The following WSCD1 variants were observed in gnomAD, a reference collection of about 807,000 sequenced individuals.
WSCD1 encodes the protein WSC domain sialate O sulfotransferase 1, also known as sialate:O-sulfotransferase 1.
Under a neutral mutation model 60.4 loss-of-function variants are expected in WSCD1, and 41 were observed. That is an observed-to-expected ratio of 0.68 (90% CI 0.53 to 0.88). WSCD1 has a LOEUF of 0.88. Among genes scored for constraint, WSCD1 ranks in the 40% least tolerant of loss-of-function variants. The probability of loss-of-function intolerance (pLI) is 0.00; values close to 1 mark genes in which losing one functional copy is unlikely to be tolerated. For missense variants in WSCD1, 784 were observed against 796.2 expected (o/e 0.98, Z 0.18); for synonymous variants, 361 against 332.5 (o/e 1.09, Z -0.93).
intron 7 of WSCD1, among the ~76,000 whole-genome samples, chr17:6,117,360 C>G (rs1442114423): frequency 6.6e-6 from 1 of 152,198 alleles, no homozygotes; most frequent in Non-Finnish European, 1.5e-5. Context: ...TGAGGCAAGG[C>G]TGGGCCCTGT....
At chr17:6,072,548 T>C (rs1908608493) in intron 1 of WSCD1, among the ~76,000 whole-genome samples, 1 of 152,206 alleles carries the variant, frequency 6.6e-6, no homozygotes, top group South Asian at 2.1e-4. Context: ...ACTCTTTCTC[T>C]GGAGGTACAA....
intron 8 of WSCD1, among the ~76,000 whole-genome samples, chr17:6,119,567 G>A (rs1042130681): frequency 3.9e-5 from 6 of 152,130 alleles, no homozygotes; most frequent in Admixed American, 3.9e-4. Flanking sequence ...GGCCTCTGCC[G>A]GCCTCTAGTC....
chr17:6,103,866 G>C (rs1567558270), intron 5 of WSCD1, among the ~76,000 whole-genome samples: 1 of 152,106 alleles, frequency 6.6e-6, no homozygotes, highest in Non-Finnish European at 1.5e-5. Flanking sequence ...TCAATCCCCA[G>C]ATCCACCATA....
At chr17:6,088,164 A>C (rs1909784622) in intron 3 of WSCD1, 60 bp downstream of exon 3, 1 of 1,422,154 alleles carries the variant, frequency 7.0e-7, no homozygotes, top group Non-Finnish European at 9.9e-7. Flanking sequence ...GGACAGTTCC[A>C]GAATGAGGAG....
intron 3 of WSCD1, among the ~76,000 whole-genome samples, chr17:6,089,700 C>T (rs1371342099): frequency 1.3e-5 from 2 of 152,194 alleles, no homozygotes. Flanking sequence ...AATTGGCAAA[C>T]AGTACAAACC....
intron 2 of WSCD1, among the ~76,000 whole-genome samples, chr17:6,087,151 G>A (rs986609091): frequency 1.3e-5 from 2 of 152,338 alleles, no homozygotes; most frequent in African/African-American, 2.4e-5. Flanking sequence ...ACTGGTGCGC[G>A]TGACATTTAC....
chr17:6,120,716 T>A lies in WSCD1; in HGVS notation c.*55T>A. ...GAGTGACGCAATCGCACCACGGGGC[T>A]GCGCTCCCCACTCTGATGCTCAGGC... On this transcript the variant is annotated 3_prime_UTR_variant, in exon 9 of 9. Transcript: ENST00000317744. 2.6e-6 allele frequency: 4 copies of A among 1,537,988 alleles called. No homozygotes were observed. The highest frequency in any genetic ancestry group is 3.5e-6 in the Non-Finnish European group (4 of 1,135,804).
At chr17:6,097,401 A>G (rs1392470504) in intron 5 of WSCD1, among the ~76,000 whole-genome samples, 1 of 152,232 alleles carries the variant, frequency 6.6e-6, no homozygotes, top group Non-Finnish European at 1.5e-5. Flanking sequence ...TCTCATGTCT[A>G]CTTCCAGAGA....
intron 2 of WSCD1, among the ~76,000 whole-genome samples, chr17:6,086,831 C>T (rs1909683669): frequency 6.6e-6 from 1 of 152,168 alleles, no homozygotes; most frequent in African/African-American, 2.4e-5. Context: ...CCCTTGCCCT[C>T]ACGGAGCATC....
intron 5 of WSCD1, among the ~76,000 whole-genome samples, chr17:6,098,964 C>T (rs764805234): frequency 6.6e-5 from 10 of 152,112 alleles, no homozygotes; most frequent in Non-Finnish European, 1.5e-4. Context: ...GCAGTGTTGG[C>T]AGGTGGCTGA....
At chr17:6,079,307 G>A (rs909252251) in intron 1 of WSCD1, among the ~76,000 whole-genome samples, 7 of 152,328 alleles carry the variant, frequency 4.6e-5, no homozygotes, top group Middle Eastern at 3.4e-3. Context: ...GCTTAGTCAC[G>A]CTTCTAGGGG....
chr17:6,102,156 G>C (rs139002992), intron 5 of WSCD1, among the ~76,000 whole-genome samples: 7 of 152,310 alleles, frequency 4.6e-5, no homozygotes, highest in African/African-American at 1.7e-4. Flanking sequence ...TTTCTTCTAA[G>C]TTTTTTTGCT....
intron 2 of WSCD1, among the ~76,000 whole-genome samples, chr17:6,085,446 C>T (rs1909569885): frequency 6.6e-6 from 1 of 152,208 alleles, no homozygotes; most frequent in East Asian, 1.9e-4. Context: ...ATTTTCACAA[C>T]TACCTCATGG....
intron 5 of WSCD1, among the ~76,000 whole-genome samples, chr17:6,107,887 A>G (rs1008873404): frequency 6.6e-6 from 1 of 152,200 alleles, no homozygotes; most frequent in African/African-American, 2.4e-5. Context: ...TTTCCATAGA[A>G]GAGTGGTGTA....
At position 6,080,878 on chromosome 17, in the gene WSCD1, G is replaced by A. The variant is rs748373554; in HGVS notation, c.220G>A (p.Asp74Asn). The A allele has an allele frequency of 8.7e-6, 14 of 1,603,554 alleles. No homozygotes were observed. Among genetic ancestry groups the A allele is most frequent in the Admixed American group, 8.4e-5 (5 of 59,488 alleles). The change falls in exon 2 of 9, where the codon GAC becomes AAC. Residue 74 changes from aspartate to asparagine, a missense_variant. By Grantham distance (23) the Asp-to-Asn change is conservative. Coordinates refer to ENST00000317744, the MANE Select transcript of WSCD1 (RefSeq NM_015253.2). The surrounding 1 kb of genome is among the most constrained non-coding windows in gnomAD (Gnocchi z 6.6). ...VGLLDSRALH[D>N]PRVSPELLLG... The stretch of plus-strand genomic sequence containing the variant: ...CTTGCTGGACAGCAGAGCCCTGCAC[G>A]ACCCTCGAGTCAGCCCAGAGCTGCT...
At chr17:6,089,154 T>A (rs7406782) in intron 3 of WSCD1, among the ~76,000 whole-genome samples, 1 of 152,084 alleles carries the variant, frequency 6.6e-6, no homozygotes, top group Admixed American at 6.5e-5. Flanking sequence ...ATTTTACAGA[T>A]GGAGAAACTG....
chr17:6,088,580 G>T (rs1352628685), intron 3 of WSCD1, among the ~76,000 whole-genome samples: 1 of 152,154 alleles, frequency 6.6e-6, no homozygotes, highest in African/African-American at 2.4e-5. Context: ...CTATAACAAG[G>T]TTTACTTTTT....
At chr17:6,100,608 A>G (rs1236577560) in intron 5 of WSCD1, among the ~76,000 whole-genome samples, 1 of 152,240 alleles carries the variant, frequency 6.6e-6, no homozygotes, top group Non-Finnish European at 1.5e-5. Context: ...ACTCTAGAGC[A>G]GGGGTTCACA....
chr17:6,104,655 C>A (rs1164639029), intron 5 of WSCD1, among the ~76,000 whole-genome samples: 1 of 152,156 alleles, frequency 6.6e-6, no homozygotes, highest in East Asian at 1.9e-4. Flanking sequence ...CTTTTTGTAC[C>A]TTGAATATCC....
Sources: allele counts gnomAD v4.1 joint callset (sites outside exome capture counted in the v4.1 genomes callset), GRCh38; gene constraint gnomAD v4.1.1; non-coding constraint Gnocchi (gnomAD v3.1); transcripts MANE v1.5; gene names NCBI Gene and HGNC (gene_info 2026-07-23, HGNC 2026-07-21).